The following GCNT1 variants were observed in gnomAD, a reference collection of about 807,000 sequenced individuals.
GCNT1 encodes the protein glucosaminyl (N-acetyl) transferase 1.
Under a neutral mutation model 26.2 loss-of-function variants are expected in GCNT1, and 16 were observed. That is an observed-to-expected ratio of 0.61 (90% CI 0.41 to 0.93). The LOEUF (loss-of-function observed/expected upper bound fraction) is 0.93, where lower values mean the gene tolerates loss of function less well. Ranked by LOEUF, GCNT1 falls within the 40% of genes least tolerant of loss-of-function variation. The probability of loss-of-function intolerance (pLI) is 0.00; values close to 1 mark genes in which losing one functional copy is unlikely to be tolerated. For missense variants in GCNT1, 477 were observed against 526.7 expected, an observed-to-expected ratio of 0.91 and a Z score of 0.92; for synonymous variants, 183 against 190.8, an observed-to-expected ratio of 0.96 and a Z score of 0.34.
intron 1 of GCNT1, among the ~76,000 whole-genome samples, chr9:76,432,830 T>C (rs1425641481): frequency 6.6e-6 from 1 of 152,220 alleles, no homozygotes; most frequent in Non-Finnish European, 1.5e-5. Flanking sequence ...ATGCTTTCCT[T>C]TGATTGATCC....
chr9:76,427,618 C>A (rs541707900), intron 1 of GCNT1, among the ~76,000 whole-genome samples: 3 of 151,960 alleles, frequency 2.0e-5, no homozygotes, highest in African/African-American at 4.8e-5. Context: ...ATAGAAATAT[C>A]GATGTTGTCA....
the GCNT1 span, among the ~76,000 whole-genome samples, chr9:76,410,999 A>G: frequency 3.4e-3 from 523 of 152,330 alleles, 3 homozygotes; most frequent in African/African-American, 0.012. Context: ...AGAAATAAAT[A>G]TAGCTGCTCC....
chr9:76,480,737 G>A (rs1824399842), intron 2 of GCNT1, among the ~76,000 whole-genome samples: 1 of 152,040 alleles, frequency 6.6e-6, no homozygotes, highest in Admixed American at 6.6e-5. Context: ...TCTCAAAGTA[G>A]TATAATGATT....
chr9:76,492,737 A>G (rs1824780979), intron 2 of GCNT1, among the ~76,000 whole-genome samples: 1 of 150,910 alleles, frequency 6.6e-6, no homozygotes, highest in Admixed American at 6.6e-5. Flanking sequence ...TGCAAACCAC[A>G]CTGATAACAA....
chr9:76,481,411 A>AT lies in GCNT1; in HGVS notation c.-289-19492dup, dbSNP rs67182156. On this transcript the variant is annotated intron_variant, in intron 2 of 3. Coordinates refer to ENST00000376730, the MANE Select transcript of GCNT1 (RefSeq NM_001490.5). ...TTTAATACATGAGATTTTTTTTGTG[A>AT]TTTTTTTTTTTTTAAGCTCATCAGC... Among the ~76,000 whole-genome samples the AT allele has an allele frequency of 5.2e-3, 747 of 144,120 alleles. 3 individuals are homozygous for AT. Among genetic ancestry groups the AT allele is most frequent in the East Asian group, 0.013 (62 of 4,912 alleles). 94.5% of individuals were successfully genotyped at this position (144,120 alleles called of 152,430 possible). A position where few individuals can be genotyped will look rare whatever the true frequency, so the allele number is the denominator to read the frequency against.
At position 76,503,010 on chromosome 9, in the gene GCNT1, G is replaced by A. The variant is rs367773332; in HGVS notation, c.629G>A (p.Trp210Ter). Residue 210 changes from tryptophan to a stop codon, truncating the protein, a stop_gained, in exon 4 of 4, where the codon TGG (tryptophan) becomes TAG (stop). Transcript: ENST00000376730. LOFTEE classifies it high-confidence loss of function. ...MKDLYAMSAN[W>*]KYLINLCGMD... The stretch of plus-strand genomic sequence containing the variant: ...GATCTCTATGCAATGAGTGCAAACT[G>A]GAAGTACTTGATAAATCTTTGTGGT... 1.2e-5 allele frequency: 20 copies of A among 1,613,618 alleles called. No individual in the cohort carries two copies. Among genetic ancestry groups the A allele is most frequent in the Admixed American group, 1.7e-5 (1 of 59,998 alleles).
intron 2 of GCNT1, among the ~76,000 whole-genome samples, chr9:76,476,550 TAA>T (rs55776829): frequency 6.7e-6 from 1 of 148,966 alleles, no homozygotes; most frequent in African/African-American, 2.5e-5. Context: ...GATTGCTATT[TAA>T]AAAAAAAAAC....
intron 2 of GCNT1, among the ~76,000 whole-genome samples, chr9:76,474,035 G>A (rs1042086741): frequency 9.2e-5 from 14 of 152,280 alleles, no homozygotes; most frequent in Non-Finnish European, 2.1e-4. Flanking sequence ...GGGAAGTCGA[G>A]GCTGTAGTAA....
At chr9:76,480,940 A>G (rs1331676974) in intron 2 of GCNT1, among the ~76,000 whole-genome samples, 2 of 151,772 alleles carry the variant, frequency 1.3e-5, no homozygotes, top group African/African-American at 4.8e-5. Context: ...ATATAGGATT[A>G]CTCAGAAAAA....
chr9:76,400,617 C>T, the GCNT1 span, among the ~76,000 whole-genome samples: 2 of 152,156 alleles, frequency 1.3e-5, no homozygotes, highest in African/African-American at 4.8e-5. Context: ...CCCAGAAGCC[C>T]TAGGGAACTT....
intron 1 of GCNT1, among the ~76,000 whole-genome samples, chr9:76,450,466 C>A (rs1234086134): frequency 6.6e-6 from 1 of 152,128 alleles, no homozygotes; most frequent in Non-Finnish European, 1.5e-5. Flanking sequence ...GAATAGTTGT[C>A]CATAAGTATC....
intron 2 of GCNT1, among the ~76,000 whole-genome samples, chr9:76,488,949 T>C (rs1032460492): frequency 1.6e-4 from 24 of 152,180 alleles, no homozygotes; most frequent in African/African-American, 5.8e-4. Context: ...CAATATCATT[T>C]TATTTTTTTG....
At chr9:76,497,827 A>T (rs182319813) in intron 2 of GCNT1, among the ~76,000 whole-genome samples, 10 of 152,318 alleles carry the variant, frequency 6.6e-5, no homozygotes, top group Admixed American at 3.3e-4. Flanking sequence ...ACTTTGGTGA[A>T]CTTTATTGTT....
the GCNT1 span, among the ~76,000 whole-genome samples, chr9:76,405,362 A>C: frequency 7.3e-6 from 1 of 136,078 alleles, no homozygotes; most frequent in African/African-American, 2.5e-5. Flanking sequence ...TAGAATGTAC[A>C]TGTTACAACT....
At chr9:76,407,559 C>A in the GCNT1 span, among the ~76,000 whole-genome samples, 1 of 152,114 alleles carries the variant, frequency 6.6e-6, no homozygotes, top group Non-Finnish European at 1.5e-5. Flanking sequence ...TAGTGTCAGT[C>A]CTCTGACTAA....
rs753838059 is a variant in GCNT1 at position 76,492,474 on chromosome 9, C to T, written c.-289-8442C>T. ...AGCTGTCCGGGACAGGAGATTAACA[C>T]GAGAAAGCCGCACCAGTGTCCAGGA... On this transcript the variant is annotated intron_variant, in intron 2 of 3. Transcript: ENST00000376730. Among the ~76,000 whole-genome samples the T allele has an allele frequency of 4.0e-5, 6 of 151,812 alleles. No individual in the cohort carries two copies. In the East Asian group the frequency reaches 9.6e-4, roughly 24 times the overall value.
intron 1 of GCNT1, among the ~76,000 whole-genome samples, chr9:76,452,552 TG>T (rs1823688324): frequency 2.0e-5 from 3 of 152,040 alleles, no homozygotes; most frequent in Non-Finnish European, 2.9e-5. Context: ...ACAATCATGA[TG>T]CAAGTTGAAG....
At chr9:76,477,874 C>T (rs116079965) in intron 2 of GCNT1, among the ~76,000 whole-genome samples, 257 of 152,294 alleles carry the variant, frequency 1.7e-3, no homozygotes, top group African/African-American at 6.0e-3. Context: ...TAAGTGGAAT[C>T]CTAGTGAGAG....
At chr9:76,478,414 G>A (rs931535721) in intron 2 of GCNT1, among the ~76,000 whole-genome samples, 3 of 152,072 alleles carry the variant, frequency 2.0e-5, no homozygotes, top group Admixed American at 6.6e-5. Context: ...GGGAGACCAC[G>A]AACCCACGGG....
Sources: gnomAD v4.1 joint callset for allele counts (sites outside exome capture counted in the v4.1 genomes callset) on GRCh38, gnomAD v4.1.1 for gene constraint, MANE v1.5 for transcripts, NCBI Gene and HGNC (gene_info 2026-07-23, HGNC 2026-07-21) for gene names.